STK39: variants seen among roughly 807,000 people sequenced by gnomAD.
The protein encoded by STK39 is serine/threonine kinase 39, also known as STE20/SPS1-related proline-alanine-rich protein kinase.
In STK39, 20 loss-of-function variants were observed where a neutral mutation model predicts 77.8. The ratio of observed to expected loss-of-function variants is 0.26; its 90% confidence interval spans 0.18 to 0.37. The LOEUF (loss-of-function observed/expected upper bound fraction) is 0.37, where lower values mean the gene tolerates loss of function less well. Among genes scored for constraint, STK39 ranks in the 10% least tolerant of loss-of-function variants. The pLI is 1.00. For synonymous variants in STK39, 246 were observed against 234.1 expected (o/e 1.05, Z -0.47); for missense variants, 479 against 656.5 (o/e 0.73, Z 2.95).
intron 1 of STK39, among the ~76,000 whole-genome samples, chr2:168,186,862 G>C (rs1047117333): frequency 6.6e-6 from 1 of 152,270 alleles, no homozygotes; most frequent in African/African-American, 2.4e-5. Context: ...GCACCAGGAA[G>C]ATTAGACTGG....
At chr2:168,161,990 A>G in intron 4 of STK39, 148 bp from the exon 5 acceptor site, 1 of 602,124 alleles carries the variant, frequency 1.7e-6, no homozygotes, top group Non-Finnish European at 2.7e-6. Context: ...CAGATTTTAA[A>G]AGTTATAAGG....
chr2:168,115,710 G>A (rs948913645), intron 10 of STK39, among the ~76,000 whole-genome samples: 1 of 152,130 alleles, frequency 6.6e-6, no homozygotes, highest in Non-Finnish European at 1.5e-5. Flanking sequence ...CAATAAATAT[G>A]GCATGATTCC....
chr2:167,998,703 G>A (rs1194615886), intron 16 of STK39, among the ~76,000 whole-genome samples: 1 of 152,116 alleles, frequency 6.6e-6, no homozygotes, highest in Non-Finnish European at 1.5e-5. Flanking sequence ...CAGAATTACT[G>A]GAAGGTATCT....
In STK39 at chr2:167,964,829, G is replaced by A. The variant is rs936044178; in HGVS notation, c.1499-103C>T. The A allele has an allele frequency of 2.3e-5, 22 of 955,670 alleles. No individual in the cohort carries two copies. In the African/African-American group the frequency reaches 3.6e-4, roughly 16 times the overall value. 59.2% of individuals were successfully genotyped at this position (955,670 alleles called of 1,614,324 possible). ...AATTTGACTAATGATGCAATAAACT[G>A]CAAAATCATTTTTCATAAACATTGC... is the stretch of plus-strand genomic sequence containing the variant. On this transcript the variant is annotated intron_variant, in intron 16 of 17. Coordinates refer to ENST00000355999, the MANE Select transcript of STK39 (RefSeq NM_013233.3).
At chr2:168,213,585 C>T (rs1045735341) in intron 1 of STK39, among the ~76,000 whole-genome samples, 3 of 151,398 alleles carry the variant, frequency 2.0e-5, no homozygotes, top group South Asian at 2.1e-4. Flanking sequence ...ACTCGGGAGG[C>T]TGAGGTGGGA....
chr2:168,247,003 C>A (rs1433064150), intron 1 of STK39, among the ~76,000 whole-genome samples: 1 of 150,548 alleles, frequency 6.6e-6, no homozygotes, highest in African/African-American at 2.4e-5. Context: ...CGAGTCACAT[C>A]CGCCGCGCCG....
intron 10 of STK39, among the ~76,000 whole-genome samples, chr2:168,084,125 A>T (rs1423526250): frequency 6.6e-6 from 1 of 152,196 alleles, no homozygotes. Flanking sequence ...GTTGTACACC[A>T]GCCAGAGGCT....
At chr2:168,167,506 C>A (rs2292788) in intron 2 of STK39, 99 bp from the exon 3 acceptor site, 5 of 1,015,154 alleles carry the variant, frequency 4.9e-6, no homozygotes, top group Non-Finnish European at 7.5e-6. Flanking sequence ...CTTTCCTACT[C>A]GAAAGCCTAC....
intron 1 of STK39, among the ~76,000 whole-genome samples, chr2:168,236,298 GGTT>G (rs1558889748): frequency 6.6e-6 from 1 of 152,050 alleles, no homozygotes. Flanking sequence ...TTTTTGATGG[GGTT>G]GTTTTTTTCT....
At chr2:168,155,767 T>C (rs772114433) in intron 5 of STK39, among the ~76,000 whole-genome samples, 3 of 152,224 alleles carry the variant, frequency 2.0e-5, no homozygotes, top group Non-Finnish European at 4.4e-5. Flanking sequence ...GTAGTATACA[T>C]ACCTAAATAT....
At chr2:168,113,612 T>C (rs1048706286) in intron 10 of STK39, among the ~76,000 whole-genome samples, 1 of 152,240 alleles carries the variant, frequency 6.6e-6, no homozygotes, top group Non-Finnish European at 1.5e-5. Context: ...GATTTTTCTT[T>C]TTGTAAAGTG....
chr2:167,987,600 G>A (rs1219674984), intron 16 of STK39, among the ~76,000 whole-genome samples: 1 of 152,042 alleles, frequency 6.6e-6, no homozygotes, highest in Non-Finnish European at 1.5e-5. Context: ...TCAGATCCTA[G>A]GAAGGGCATG....
rs187322363 is a variant in STK39 at position 168,119,239 on chromosome 2, G to A, written c.1089+10302C>T. On this transcript the variant is annotated intron_variant, in intron 10 of 17. Coordinates refer to ENST00000355999, the MANE Select transcript of STK39 (RefSeq NM_013233.3). ...TTTATATTAAACCCATAATATGCAC[G>A]GTAACTGCGGAAGTGGGTCCACTTC... Among the ~76,000 whole-genome samples, 321 of 152,174 alleles carry A rather than the reference G, an allele frequency of 2.1e-3. 3 individuals are homozygous for A. The highest frequency in any genetic ancestry group is 7.1e-3 in the African/African-American group (294 of 41,524).
chr2:168,061,997 A>G (rs1340536392), intron 14 of STK39, among the ~76,000 whole-genome samples: 2 of 152,202 alleles, frequency 1.3e-5, no homozygotes, highest in Admixed American at 1.3e-4. Context: ...AAGAACCATC[A>G]ATCAATTAAG....
intron 1 of STK39, among the ~76,000 whole-genome samples, chr2:168,205,557 C>T (rs1689720148): frequency 6.6e-6 from 1 of 152,126 alleles, no homozygotes; most frequent in African/African-American, 2.4e-5. Context: ...ATAATCCCAA[C>T]ACTTTGGGAG....
intron 14 of STK39, among the ~76,000 whole-genome samples, chr2:168,049,958 T>A (rs1685351867): frequency 6.6e-6 from 1 of 152,240 alleles, no homozygotes; most frequent in Non-Finnish European, 1.5e-5. Context: ...TCCAGATCTC[T>A]ACTTGAAAGA....
intron 14 of STK39, among the ~76,000 whole-genome samples, chr2:168,018,596 A>AAGAT (rs1389124636): frequency 1.3e-5 from 2 of 149,900 alleles, no homozygotes; most frequent in Non-Finnish European, 3.0e-5. Context: ...GAAAGAAAGA[A>AAGAT]AGAAATTGCA....
chr2:168,022,574 T>C (rs1023495401), intron 14 of STK39, among the ~76,000 whole-genome samples: 1 of 152,222 alleles, frequency 6.6e-6, no homozygotes, highest in Admixed American at 6.5e-5. Context: ...AAATTTGAAA[T>C]TTTATATGAC....
intron 16 of STK39, among the ~76,000 whole-genome samples, chr2:167,982,236 A>T (rs931288439): frequency 3.3e-5 from 5 of 152,316 alleles, no homozygotes; most frequent in East Asian, 1.9e-4. Context: ...TTTAGTTTGC[A>T]TTAAACCCCT....
Sources: gnomAD v4.1 joint callset for allele counts (sites outside exome capture counted in the v4.1 genomes callset) on GRCh38, gnomAD v4.1.1 for gene constraint, MANE v1.5 for transcripts, NCBI Gene and HGNC (gene_info 2026-07-23, HGNC 2026-07-21) for gene names.